STX8: variants seen among roughly 807,000 people sequenced by gnomAD.
STX8 encodes syntaxin 8.
In STX8, 23 loss-of-function variants were observed where a neutral mutation model predicts 37.5. The observed-to-expected ratio is 0.61, with a 90% CI of 0.44 to 0.87. The LOEUF (loss-of-function observed/expected upper bound fraction) is 0.87. STX8 is among the 40% of genes least tolerant of loss of function. STX8 has a pLI of 0.00. For missense variants in STX8, 313 were observed against 284.7 expected (o/e 1.10, Z -0.71); for synonymous variants, 115 against 99.1 (o/e 1.16, Z -0.95).
chr17:9,388,671 T>A (rs1484138049), intron 6 of STX8, among the ~76,000 whole-genome samples: 1 of 151,662 alleles, frequency 6.6e-6, no homozygotes, highest in Non-Finnish European at 1.5e-5. Context: ...GGTGTGGTGG[T>A]GCATGCCTGT....
intron 7 of STX8, among the ~76,000 whole-genome samples, chr17:9,347,698 G>A (rs1910579357): frequency 6.6e-6 from 1 of 152,048 alleles, no homozygotes; most frequent in Non-Finnish European, 1.5e-5. Flanking sequence ...TGTATTTTTA[G>A]TAGAAACTGG....
At chr17:9,269,186 CAA>C (rs34395133) in intron 7 of STX8, among the ~76,000 whole-genome samples, 1,588 of 124,050 alleles carry the variant, frequency 0.013, 18 homozygotes, top group Middle Eastern at 0.036. Flanking sequence ...GACTCCGTCT[CAA>C]AAAAAAAAAA....
chr17:9,314,514 C>T (rs945409470), intron 7 of STX8, among the ~76,000 whole-genome samples: 1 of 151,902 alleles, frequency 6.6e-6, no homozygotes, highest in African/African-American at 2.4e-5. Context: ...TCTTCTGCCT[C>T]AGCCTCCCGA....
intron 7 of STX8, among the ~76,000 whole-genome samples, chr17:9,254,527 C>A (rs547282459): frequency 6.6e-6 from 1 of 152,158 alleles, no homozygotes; most frequent in East Asian, 1.9e-4. Flanking sequence ...TCCCAAGTAG[C>A]GGGGATTACA....
At chr17:9,328,333 A>G (rs73267980) in intron 7 of STX8, among the ~76,000 whole-genome samples, 2,631 of 152,200 alleles carry the variant, frequency 0.017, 64 homozygotes, top group African/African-American at 0.059. Context: ...GGAAGGAAGA[A>G]AAAGAAGAGC....
chr17:9,342,715 A>G (rs778519880), intron 7 of STX8, among the ~76,000 whole-genome samples: 3 of 152,064 alleles, frequency 2.0e-5, no homozygotes, highest in Non-Finnish European at 4.4e-5. Flanking sequence ...AGATCAAGAG[A>G]CAGATGTGCA....
chr17:9,324,174 C>T (rs950592401), intron 7 of STX8, among the ~76,000 whole-genome samples: 2 of 150,644 alleles, frequency 1.3e-5, no homozygotes, highest in Admixed American at 1.3e-4. Context: ...ACACACACTC[C>T]AGTTGTACGT....
chr17:9,306,277 A>G (rs1244905835), intron 7 of STX8, among the ~76,000 whole-genome samples: 5 of 152,104 alleles, frequency 3.3e-5, no homozygotes, highest in African/African-American at 1.2e-4. Flanking sequence ...AAATCACTTA[A>G]TGACTCATTT....
At chr17:9,449,547 C>G (rs1211187120) in intron 6 of STX8, among the ~76,000 whole-genome samples, 1 of 151,844 alleles carries the variant, frequency 6.6e-6, no homozygotes, top group Non-Finnish European at 1.5e-5. Context: ...GGCGACAGAG[C>G]GAGACTCCGT....
At chr17:9,466,216 C>G (rs1905607461) in intron 6 of STX8, among the ~76,000 whole-genome samples, 2 of 152,196 alleles carry the variant, frequency 1.3e-5, no homozygotes, top group African/African-American at 4.8e-5. Context: ...CGTGATCCGC[C>G]TGCCTTGGCC....
chr17:9,444,659 A>G (rs1443427176), intron 6 of STX8, among the ~76,000 whole-genome samples: 1 of 152,234 alleles, frequency 6.6e-6, no homozygotes, highest in African/African-American at 2.4e-5. Context: ...TCTTTACTAA[A>G]GAAAAGCAAA....
At chr17:9,394,567 G>A (rs1163406945) in intron 6 of STX8, among the ~76,000 whole-genome samples, 1 of 151,322 alleles carries the variant, frequency 6.6e-6, no homozygotes, top group East Asian at 2.0e-4. Context: ...GTTTCACTAT[G>A]TTGGCCATAC....
intron 4 of STX8, among the ~76,000 whole-genome samples, chr17:9,523,652 A>G (rs1905452483): frequency 6.6e-6 from 1 of 152,232 alleles, no homozygotes; most frequent in African/African-American, 2.4e-5. Context: ...TTGTCTCAAC[A>G]TTACTGTTTT....
chr17:9,462,927 C>G (rs374992787), intron 6 of STX8, among the ~76,000 whole-genome samples: 13 of 152,312 alleles, frequency 8.5e-5, no homozygotes, highest in African/African-American at 3.1e-4. Flanking sequence ...AGGGGCCCGC[C>G]ACACTTCCCA....
chr17:9,374,362 G>A (rs572808600), intron 7 of STX8, among the ~76,000 whole-genome samples: 49 of 152,132 alleles, frequency 3.2e-4, no homozygotes, highest in Admixed American at 6.5e-4. Context: ...GATTACAGGC[G>A]TGAGCCACCA....
intron 2 of STX8, among the ~76,000 whole-genome samples, chr17:9,559,747 T>TACAC (rs1320245992): frequency 3.9e-4 from 13 of 33,046 alleles, no homozygotes; most frequent in East Asian, 7.4e-4. Context: ...TATATATATA[T>TACAC]ATATATATAT....
At chr17:9,441,897 A>C (rs781028081) in intron 6 of STX8, among the ~76,000 whole-genome samples, 2 of 151,416 alleles carry the variant, frequency 1.3e-5, no homozygotes, top group Non-Finnish European at 2.9e-5. Context: ...GGATGGTCTC[A>C]ATCTCCTGAC....
intron 2 of STX8, among the ~76,000 whole-genome samples, chr17:9,566,418 C>T (rs1227520767): frequency 1.3e-5 from 2 of 152,212 alleles, no homozygotes; most frequent in Admixed American, 1.3e-4. Flanking sequence ...GTACTAAAAA[C>T]AGAAATACTA....
intron 7 of STX8, among the ~76,000 whole-genome samples, chr17:9,324,928 C>T (rs1487300320): frequency 1.3e-5 from 2 of 152,124 alleles, no homozygotes; most frequent in African/African-American, 4.8e-5. Flanking sequence ...AATATGCATT[C>T]AGTAGAAACT....
Sources: allele counts gnomAD v4.1 joint callset (sites outside exome capture counted in the v4.1 genomes callset), GRCh38; gene constraint gnomAD v4.1.1; transcripts MANE v1.5; gene names NCBI Gene and HGNC (gene_info 2026-07-23, HGNC 2026-07-21).